Variants in CTSE observed in about 807,000 individuals in gnomAD.
CTSE encodes the protein erythrocyte membrane aspartic proteinase.
CTSE carries 43 observed loss-of-function variants against 42.8 expected under a neutral mutation model. The ratio of observed to expected loss-of-function variants is 1.01; its 90% CI spans 0.79 to 1.30. CTSE has a LOEUF of 1.30. CTSE is among the 50% of genes most tolerant of loss of function. The pLI is 0.00. For missense variants in CTSE, 532 were observed against 493.5 expected (o/e 1.08, Z -0.74); for synonymous variants, 205 against 191.5 (o/e 1.07, Z -0.58).
intron 1 of CTSE, 97 bp from the exon 2 acceptor site, chr1:206,023,154 G>T: frequency 1.9e-6 from 2 of 1,064,380 alleles, no homozygotes; most frequent in East Asian, 2.6e-5. Flanking sequence ...AGAGAAGATG[G>T]GGTGGGAGGG....
chr1:206,023,583 A>G, intron 1 of CTSE, 141 bp downstream of exon 1: 1 of 720,154 alleles, frequency 1.4e-6, no homozygotes, highest in Non-Finnish European at 2.4e-6. Flanking sequence ...CGGTCACTGG[A>G]TGAGTCTCTT....
chr1:206,019,051 C>T (rs1661335826), intron 4 of CTSE, among the ~76,000 whole-genome samples: 1 of 152,078 alleles, frequency 6.6e-6, no homozygotes. Context: ...TAAATGGTCC[C>T]TTTAAGGGCT....
intron 4 of CTSE, among the ~76,000 whole-genome samples, chr1:206,019,316 A>G (rs1394561363): frequency 3.3e-5 from 5 of 152,066 alleles, no homozygotes; most frequent in African/African-American, 1.2e-4. Flanking sequence ...CAAGTGGGAG[A>G]AAAAGGGCCA....
intron 4 of CTSE, among the ~76,000 whole-genome samples, chr1:206,017,894 C>A (rs1264770770): frequency 6.6e-6 from 1 of 152,050 alleles, no homozygotes; most frequent in East Asian, 1.9e-4. Context: ...TCTTGTCATA[C>A]ATTAATATTG....
rs1480490174 is a variant in CTSE at position 206,022,912 on chromosome 1, T to G, written c.214A>C (p.Asn72His). Residue 72 changes from asparagine (N) to histidine (H), a missense_variant, in exon 2 of 9, where the codon AAC becomes CAC. By Grantham distance (68) the Asn-to-His change is moderately conservative. Coordinates refer to ENST00000358184, the MANE Select transcript of CTSE (RefSeq NM_001910.4). Reference protein sequence around the residue: ...MDQSAKEPLINYLDMEYFGTI... With the variant: ...MDQSAKEPLIHYLDMEYFGTI... ...CCAGGAGGCCTCACATCCAAGTAGT[T>G]GATGAGGGGTTCCTTGGCACTCTGG... The G allele has an allele frequency of 1.9e-6, 3 of 1,579,234 alleles. No individual in the cohort carries two copies. Among genetic ancestry groups the G allele is most frequent in the African/African-American group, 1.3e-5 (1 of 74,258 alleles).
intron 5 of CTSE, chr1:206,014,117 G>A (rs1259340637): frequency 1.9e-6 from 1 of 519,132 alleles, no homozygotes; most frequent in Non-Finnish European, 3.4e-6. Flanking sequence ...TTGTGAATGT[G>A]TTTCTGCTTC....
At chr1:206,023,441 C>T (rs563342606) in intron 1 of CTSE, among the ~76,000 whole-genome samples, 2 of 152,038 alleles carry the variant, frequency 1.3e-5, no homozygotes, top group African/African-American at 4.8e-5. Flanking sequence ...GCGCTTTGAG[C>T]TACAAACCAC....
intron 2 of CTSE, 100 bp downstream of exon 2, chr1:206,022,801 A>T (rs1247827184): frequency 4.7e-5 from 56 of 1,188,476 alleles, no homozygotes; most frequent in Non-Finnish European, 5.7e-5. Context: ...AGAAATCCAC[A>T]ATGGCCTTCG....
At chr1:206,012,235 G>T (rs997581137) in intron 8 of CTSE, 73 bp downstream of exon 8, 1 of 1,258,372 alleles carries the variant, frequency 7.9e-7, no homozygotes, top group African/African-American at 1.5e-5. Context: ...CAAAGTGCAG[G>T]CGATTGAAAA....
In CTSE at chr1:206,022,264, C is replaced by T; in HGVS notation, c.229G>A (p.Glu77Lys). 6.2e-7 allele frequency: 1 copy of T among 1,604,362 alleles called. No homozygotes were observed. Among genetic ancestry groups the T allele is most frequent in the Non-Finnish European group, 8.5e-7 (1 of 1,172,532 alleles). ...KEPLINYLDM[E>K]YFGTISIGSP... ...CCAATGGAGATAGTGCCGAAGTATT[C>T]CATCTGCAAGGAAGAGTGAGAAGGA... The change falls in exon 3 of 9, where the codon GAA (glutamate) becomes AAA (lysine). Residue 77 changes from glutamate to lysine, a missense_variant. Coordinates refer to ENST00000358184, the MANE Select transcript of CTSE (RefSeq NM_001910.4).
Position 206,010,112 on chromosome 1 carries a change from G to T in CTSE, c.*71C>A. 6.3e-7 allele frequency: 1 copy of T among 1,584,538 alleles called. No homozygotes were observed. Among genetic ancestry groups the T allele is most frequent in the South Asian group, 1.1e-5 (1 of 90,238 alleles). On this transcript the variant is annotated 3_prime_UTR_variant, in exon 9 of 9. Transcript: ENST00000358184. ...TTCTCTGGAAAATAACTTTTTGTAGGTGTAAAGAATGCCCCAGCCTAACAT... is the reference window on the plus strand; with the variant it reads ...TTCTCTGGAAAATAACTTTTTGTAGTTGTAAAGAATGCCCCAGCCTAACAT...
At chr1:206,021,931 T>C (rs1661440665) in intron 3 of CTSE, among the ~76,000 whole-genome samples, 1 of 152,138 alleles carries the variant, frequency 6.6e-6, no homozygotes, top group Non-Finnish European at 1.5e-5. Flanking sequence ...AGTATGAAAG[T>C]TACTCTCTTG....
At chr1:206,010,550 G>A (rs1180795100) in intron 8 of CTSE, among the ~76,000 whole-genome samples, 2 of 152,032 alleles carry the variant, frequency 1.3e-5, no homozygotes, top group Non-Finnish European at 2.9e-5. Context: ...GTCTGCACAA[G>A]TCCATTCTTA....
In CTSE at chr1:206,022,958, G is replaced by A. The variant is rs149925683; in HGVS notation, c.168C>T (p.Phe56=). 2.2e-5 allele frequency: 35 copies of A among 1,610,206 alleles called. No individual in the cohort carries two copies. In the African/African-American group the frequency reaches 3.5e-4, roughly 16 times the overall value. ...TCTGGTCCATTGAGCAGGACTCGGT[G>A]AACTGGATCATGTCCAAATTATGGG... is the stretch of plus-strand genomic sequence containing the variant. ...WKSHNLDMIQ[F]TESCSMDQSA... Residue 56 remains phenylalanine (F), a synonymous_variant, in exon 2 of 9, where the codon TTC becomes TTT. Coordinates refer to ENST00000358184, the MANE Select transcript of CTSE (RefSeq NM_001910.4).
rs1443463004 is a variant in CTSE, at chr1:206,021,169, T to A, written c.344-2A>T. The A allele has an allele frequency of 1.9e-6, 3 of 1,604,442 alleles. No homozygotes were observed. Among genetic ancestry groups the A allele is most frequent in the African/African-American group, 1.3e-5 (1 of 74,734 alleles). ...AAGGCTGGAACCTGCTGTGCGTCTC[T>A]GGAAAGAAGTGCACTGCTCTTGCTT... On this transcript the variant is annotated splice_acceptor_variant, in intron 3 of 8. Coordinates refer to ENST00000358184, the MANE Select transcript of CTSE (RefSeq NM_001910.4). LOFTEE classifies it high-confidence loss of function.
chr1:206,010,224 G>C lies in CTSE; in HGVS notation c.1150C>G (p.Arg384Gly), dbSNP rs369578313. 3 of 1,613,724 alleles carry C rather than the reference G, an allele frequency of 1.9e-6. No individual in the cohort carries two copies. Among genetic ancestry groups the C allele is most frequent in the Non-Finnish European group, 1.7e-6 (2 of 1,179,796 alleles). The change falls in exon 9 of 9, where the codon CGT becomes GGT. Residue 384 changes from arginine (R) to glycine (G), a missense_variant. Arg to Gly is a moderately radical substitution (Grantham distance 125). Transcript: ENST00000358184. ...GCCAGTCCCACACGGTTATTCCCAC[G>C]GTCAAAGACTGAGTAAAACTGTCGA... ...FIRQFYSVFD[R>G]GNNRVGLAPA... is the part of the protein sequence containing the mutation.
chr1:206,020,701 C>T (rs1553278231), intron 4 of CTSE, among the ~76,000 whole-genome samples: 1 of 152,034 alleles, frequency 6.6e-6, no homozygotes, highest in African/African-American at 2.4e-5. Context: ...GTCCAAATCT[C>T]TCCCCCTGGT....
chr1:206,023,186 C>T (rs782620973), intron 1 of CTSE, 129 bp from the exon 2 acceptor site: 28 of 946,096 alleles, frequency 3.0e-5, no homozygotes, highest in Middle Eastern at 6.5e-4. Flanking sequence ...AGACAGCACG[C>T]AGGATACAGG....
rs2102277617 is a variant in CTSE, at chr1:206,021,305, G to A, written c.344-138C>T. The A allele has an allele frequency of 4.4e-6, 3 of 679,144 alleles. No individual in the cohort carries two copies. In the South Asian group the frequency reaches 5.3e-5, roughly 12 times the overall value. 42.1% of individuals were successfully genotyped at this position (679,144 alleles called of 1,614,324 possible). ...GAGTGGGGGCCCCTAGAAGCCTGGT[G>A]ATGCCCCTCCCTAATGAACAACTAC... is the stretch of plus-strand genomic sequence containing the variant. On this transcript the variant is annotated intron_variant, in intron 3 of 8. Transcript: ENST00000358184.
Sources: gnomAD v4.1 joint callset for allele counts (sites outside exome capture counted in the v4.1 genomes callset) on GRCh38, gnomAD v4.1.1 for gene constraint, MANE v1.5 for transcripts, NCBI Gene and HGNC (gene_info 2026-07-23, HGNC 2026-07-21) for gene names.